MTMR3: variants seen among roughly 807,000 people sequenced by gnomAD.
MTMR3 encodes the protein myotubularin related protein 3, also known as phosphatidylinositol-3,5-bisphosphate 3-phosphatase MTMR3.
Under a neutral mutation model 132.4 loss-of-function variants are expected in MTMR3, and 32 were observed. The ratio of observed to expected loss-of-function variants is 0.24; its 90% CI spans 0.18 to 0.32. The LOEUF is 0.32. Among genes scored for constraint, MTMR3 ranks in the 10% least tolerant of loss-of-function variants. The probability of loss-of-function intolerance (pLI) is 1.00; values close to 1 mark genes in which losing one functional copy is unlikely to be tolerated. For synonymous variants in MTMR3, 556 were observed against 550.3 expected (o/e 1.01, Z -0.14); for missense variants, 1,216 against 1,489.6 (o/e 0.82, Z 3.02).
At chr22:29,926,184 A>T (rs1051945712) in intron 1 of MTMR3, among the ~76,000 whole-genome samples, 1 of 152,096 alleles carries the variant, frequency 6.6e-6, no homozygotes, top group Admixed American at 6.5e-5. Flanking sequence ...GCATGAAAGC[A>T]TTTTCATTTT....
intron 3 of MTMR3, among the ~76,000 whole-genome samples, chr22:29,973,664 A>G (rs2066578420): frequency 1.3e-5 from 2 of 152,084 alleles, no homozygotes; most frequent in African/African-American, 4.8e-5. Flanking sequence ...CAATGGCGTG[A>G]TCTTGGCTCA....
chr22:30,002,839 C>G (rs771255558), intron 8 of MTMR3, 41 bp from the exon 9 acceptor site: 2 of 1,491,108 alleles, frequency 1.3e-6, no homozygotes, highest in Non-Finnish European at 1.9e-6. Context: ...CTCTCCCTCT[C>G]TTATCCCCTT....
In MTMR3 at chr22:30,012,537, C is replaced by G. The variant is rs1456074362; in HGVS notation, c.1291C>G (p.Leu431Val). The change falls in exon 13 of 20, where the codon CTG becomes GTG. Residue 431 changes from leucine to valine, a missense_variant. By Grantham distance (32) the Leu-to-Val change is conservative. Transcript: ENST00000401950. ...PQIVALAKLLLDPYYRTIEGF... is the reference protein window; with the variant it reads ...PQIVALAKLLVDPYYRTIEGF... The stretch of plus-strand genomic sequence containing the variant: ...GATTGTGGCATTGGCTAAGCTCTTG[C>G]TGGACCCTTATTACCGAACCATAGA... 1.9e-6 allele frequency: 3 copies of G among 1,613,002 alleles called. No homozygotes were observed.
At chr22:29,945,954 TAA>T (rs1449077409) in intron 1 of MTMR3, among the ~76,000 whole-genome samples, 7 of 152,136 alleles carry the variant, frequency 4.6e-5, no homozygotes, top group African/African-American at 1.4e-4. Context: ...CAGGGAGTGT[TAA>T]AAGATTTGAC....
intron 1 of MTMR3, among the ~76,000 whole-genome samples, chr22:29,938,340 A>T (rs942660937): frequency 4.6e-5 from 7 of 152,190 alleles, no homozygotes; most frequent in South Asian, 2.1e-4. Context: ...TCTTGAGTTT[A>T]TAATTTTCGC....
chr22:30,016,621 A>G lies in MTMR3; in HGVS notation c.1597A>G (p.Thr533Ala). ...AGGGGAAAAGCATACTCAGGAACGG[A>G]CATGTTCCGTGTGGTCACTTCTTCG... Reference protein sequence around the residue: ...ERGEKHTQERTCSVWSLLRAG... With the variant: ...ERGEKHTQERACSVWSLLRAG... The change falls in exon 15 of 20, where the codon ACA becomes GCA. Residue 533 changes from threonine (T) to alanine (A), a missense_variant. Thr to Ala is a moderately conservative substitution (Grantham distance 58). This residue lies in a region of MTMR3 where 852 missense variants were observed against 852.0 expected (regional missense o/e 1.00). Transcript: ENST00000401950. 6.2e-7 allele frequency: 1 copy of G among 1,614,226 alleles called. No individual in the cohort carries two copies.
At chr22:29,921,077 A>G (rs2065402895) in intron 1 of MTMR3, among the ~76,000 whole-genome samples, 1 of 152,110 alleles carries the variant, frequency 6.6e-6, no homozygotes, top group African/African-American at 2.4e-5. Context: ...ATTGCTGTGA[A>G]GGAATACCCA....
chr22:29,973,057 G>A (rs77230763), intron 3 of MTMR3, among the ~76,000 whole-genome samples: 2,729 of 152,266 alleles, frequency 0.018, 82 homozygotes, highest in African/African-American at 0.063. Flanking sequence ...TTGAACCATT[G>A]ATTTTAATTA....
intron 1 of MTMR3, among the ~76,000 whole-genome samples, chr22:29,886,683 G>T (rs2064684243): frequency 6.6e-6 from 1 of 152,190 alleles, no homozygotes; most frequent in Admixed American, 6.5e-5. Context: ...AAGATTCTGT[G>T]TTGGGTTCTG....
intron 1 of MTMR3, among the ~76,000 whole-genome samples, chr22:29,884,346 A>G (rs2064621697): frequency 1.3e-5 from 2 of 152,156 alleles, no homozygotes; most frequent in African/African-American, 4.8e-5. Context: ...GTAATGCCAT[A>G]AGAGGCCTGG....
intron 1 of MTMR3, among the ~76,000 whole-genome samples, chr22:29,944,315 A>G (rs781715999): frequency 6.6e-5 from 10 of 151,872 alleles, no homozygotes; most frequent in Non-Finnish European, 1.0e-4. Context: ...CACTGCTTTT[A>G]TCTACCCCAA....
rs1015291991 is a variant in MTMR3 at position 29,952,970 on chromosome 22, G to A, written c.-137-4066G>A. 5.3e-5 allele frequency among the ~76,000 whole-genome samples: 8 copies of A among 152,114 alleles called. No individual in the cohort carries two copies. In the South Asian group the frequency reaches 8.3e-4, roughly 16 times the overall value. ...GAAAAAAATCACCTAAAATTGTGGC[G>A]GTTGTAAATCTACTTCTTAAAATTT... On this transcript the variant is annotated intron_variant, in intron 1 of 19. Coordinates refer to ENST00000401950, the MANE Select transcript of MTMR3 (RefSeq NM_021090.4).
chr22:29,944,692 A>G (rs147204076), intron 1 of MTMR3, among the ~76,000 whole-genome samples: 2,565 of 152,256 alleles, frequency 0.017, 30 homozygotes, highest in Middle Eastern at 0.027. Flanking sequence ...GTTATCTTTA[A>G]TGTTGTATGT....
chr22:30,003,149 A>G, intron 9 of MTMR3, 156 bp downstream of exon 9: 1 of 593,396 alleles, frequency 1.7e-6, no homozygotes, highest in Non-Finnish European at 3.0e-6. Context: ...CTTCTCCTCC[A>G]GTAACACATC....
At chr22:29,980,681 GT>G (rs2066723507) in intron 5 of MTMR3, 1 of 152,134 alleles carries the variant, frequency 6.6e-6, no homozygotes. Context: ...ATATCATCCT[GT>G]ATTTATCAGT....
intron 1 of MTMR3, among the ~76,000 whole-genome samples, chr22:29,891,426 A>G (rs757102878): frequency 1.3e-5 from 2 of 149,420 alleles, no homozygotes; most frequent in Admixed American, 6.8e-5. Context: ...ATATATGTGT[A>G]TGTATAATAT....
intron 1 of MTMR3, among the ~76,000 whole-genome samples, chr22:29,927,761 ATGTAT>A (rs748949107): frequency 1.1e-4 from 17 of 152,222 alleles, no homozygotes; most frequent in Non-Finnish European, 2.4e-4. Context: ...AGGGAGGAAA[ATGTAT>A]TATATTAGTT....
chr22:29,947,659 T>C (rs1047797639), intron 1 of MTMR3, among the ~76,000 whole-genome samples: 2 of 152,194 alleles, frequency 1.3e-5, no homozygotes, highest in Non-Finnish European at 2.9e-5. Context: ...AAATTCCTTT[T>C]ACTACTTGTT....
chr22:29,931,151 T>C (rs532308515), intron 1 of MTMR3, among the ~76,000 whole-genome samples: 8 of 152,238 alleles, frequency 5.3e-5, no homozygotes, highest in Non-Finnish European at 8.8e-5. Flanking sequence ...AGTAAAACTT[T>C]TTGTGTTAAA....
Sources: allele counts gnomAD v4.1 joint callset (sites outside exome capture counted in the v4.1 genomes callset), GRCh38; gene constraint gnomAD v4.1.1; regional missense constraint gnomAD v4.1.1; transcripts MANE v1.5; gene names NCBI Gene and HGNC (gene_info 2026-07-23, HGNC 2026-07-21).